Variants in CSMD1 observed in about 807,000 individuals in gnomAD.
CSMD1 encodes the protein CUB and Sushi multiple domains 1.
A neutral mutation model predicts 417.5 loss-of-function variants in CSMD1; 213 were observed. The ratio of observed to expected loss-of-function variants is 0.51; its 90% CI spans 0.46 to 0.57. CSMD1 has a LOEUF of 0.57. Among genes scored for constraint, CSMD1 ranks in the 20% least tolerant of loss-of-function variants. The probability of loss-of-function intolerance (pLI) is 0.00; values close to 1 mark genes in which losing one functional copy is unlikely to be tolerated. For missense variants in CSMD1, 6,923 were observed against 4,529.7 expected, an observed-to-expected ratio of 1.53 and a Z score of -15.17; for synonymous variants, 2,862 against 1,736.8, an observed-to-expected ratio of 1.65 and a Z score of -16.11.
At chr8:3,521,679 G>A (rs929004619) in intron 10 of CSMD1, among the ~76,000 whole-genome samples, 9 of 152,174 alleles carry the variant, frequency 5.9e-5, no homozygotes, top group African/African-American at 2.2e-4. Context: ...TGGAAGTGAT[G>A]TTAAAGGTCA....
At chr8:3,787,070 G>C (rs1055981871) in intron 5 of CSMD1, among the ~76,000 whole-genome samples, 1 of 152,148 alleles carries the variant, frequency 6.6e-6, no homozygotes, top group Non-Finnish European at 1.5e-5. Flanking sequence ...TGAGTTTAGA[G>C]TGTGTTTACA....
chr8:3,511,328 A>G (rs1797058152), intron 10 of CSMD1, among the ~76,000 whole-genome samples: 1 of 151,678 alleles, frequency 6.6e-6, no homozygotes, highest in Non-Finnish European at 1.5e-5. Context: ...GTGTATACCT[A>G]TGTAACAAAC....
At chr8:3,065,886 A>G (rs900948776) in intron 49 of CSMD1, among the ~76,000 whole-genome samples, 6 of 152,232 alleles carry the variant, frequency 3.9e-5, no homozygotes, top group African/African-American at 1.4e-4. Flanking sequence ...ATTATAAATG[A>G]AAATGAGTGA....
At chr8:4,228,229 C>A (rs779012094) in intron 3 of CSMD1, among the ~76,000 whole-genome samples, 49 of 152,314 alleles carry the variant, frequency 3.2e-4, no homozygotes, top group Non-Finnish European at 5.0e-4. Flanking sequence ...ATTCCCTTCA[C>A]TGTAAAAATA....
intron 3 of CSMD1, among the ~76,000 whole-genome samples, chr8:4,172,332 G>A (rs1011381348): frequency 6.6e-6 from 1 of 152,010 alleles, no homozygotes; most frequent in African/African-American, 2.4e-5. Flanking sequence ...TATGACTAGT[G>A]TCATTGAGAA....
At chr8:4,974,484 G>C (rs761552594) in intron 1 of CSMD1, among the ~76,000 whole-genome samples, 1 of 149,062 alleles carries the variant, frequency 6.7e-6, no homozygotes, top group African/African-American at 2.5e-5. Flanking sequence ...ACTACATGTT[G>C]ATGGAGAATG....
At chr8:3,568,331 G>C (rs1287136990) in intron 10 of CSMD1, among the ~76,000 whole-genome samples, 1 of 152,092 alleles carries the variant, frequency 6.6e-6, no homozygotes, top group African/African-American at 2.4e-5. Context: ...TCTTTTTATA[G>C]CTGAGTAATA....
intron 7 of CSMD1, among the ~76,000 whole-genome samples, chr8:3,675,216 G>A (rs190513649): frequency 3.3e-5 from 5 of 152,084 alleles, no homozygotes; most frequent in South Asian, 4.1e-4. Flanking sequence ...GACCACACCT[G>A]TTCTCCTTGC....
intron 69 of CSMD1, among the ~76,000 whole-genome samples, chr8:2,938,954 C>A (rs189218827): frequency 6.4e-4 from 98 of 152,174 alleles, no homozygotes; most frequent in African/African-American, 2.4e-3. Flanking sequence ...AAAAGTGAAT[C>A]GATTTCAAAA....
chr8:3,538,941 G>C (rs1798321594), intron 10 of CSMD1, among the ~76,000 whole-genome samples: 1 of 152,182 alleles, frequency 6.6e-6, no homozygotes, highest in African/African-American at 2.4e-5. Flanking sequence ...ACGTTTGTGA[G>C]ACCCCAATGT....
At chr8:2,942,368 G>C (rs1219243373) in intron 69 of CSMD1, 104 bp downstream of exon 69, 2 of 948,132 alleles carry the variant, frequency 2.1e-6, no homozygotes, top group Non-Finnish European at 3.0e-6. Flanking sequence ...ACATTGCATA[G>C]TAATATAAAA....
intron 51 of CSMD1, among the ~76,000 whole-genome samples, chr8:3,021,880 G>A (rs372714359): frequency 6.7e-3 from 465 of 69,120 alleles, no homozygotes; most frequent in Admixed American, 0.01. Context: ...ATCCCACAGC[G>A]TCCGGAATGC....
intron 5 of CSMD1, among the ~76,000 whole-genome samples, chr8:3,941,346 T>C (rs1193112568): frequency 1.3e-5 from 2 of 152,154 alleles, no homozygotes; most frequent in Non-Finnish European, 2.9e-5. Context: ...TTCTTCTACA[T>C]TGTATAATGA....
chr8:3,215,927 T>A (rs932216536), intron 29 of CSMD1, among the ~76,000 whole-genome samples: 4 of 151,218 alleles, frequency 2.6e-5, no homozygotes, highest in African/African-American at 9.7e-5. Context: ...CAAACAGAGA[T>A]GTCTTTGGTG....
At chr8:4,658,865 G>C (rs770360722) in intron 1 of CSMD1, among the ~76,000 whole-genome samples, 2 of 152,128 alleles carry the variant, frequency 1.3e-5, no homozygotes, top group African/African-American at 4.8e-5. Flanking sequence ...CTGGGGTTGG[G>C]AGTCTAGAGC....
At chr8:4,402,780 T>G (rs1015313540) in intron 3 of CSMD1, among the ~76,000 whole-genome samples, 1 of 150,670 alleles carries the variant, frequency 6.6e-6, no homozygotes, top group African/African-American at 2.4e-5. Context: ...ATGCTGTGAG[T>G]ATAATGTCCT....
At chr8:4,123,095 A>G (rs1802577278) in intron 3 of CSMD1, among the ~76,000 whole-genome samples, 1 of 152,222 alleles carries the variant, frequency 6.6e-6, no homozygotes, top group Non-Finnish European at 1.5e-5. Context: ...GTGAGATTGG[A>G]AAACAGAAAA....
At chr8:4,070,646 C>T (rs538985131) in intron 3 of CSMD1, among the ~76,000 whole-genome samples, 17 of 152,158 alleles carry the variant, frequency 1.1e-4, no homozygotes, top group African/African-American at 2.4e-4. Flanking sequence ...CGTGAGCCAC[C>T]GTGCCCGGCC....
chr8:3,484,112 T>C (rs1817891601), intron 11 of CSMD1, among the ~76,000 whole-genome samples: 1 of 152,208 alleles, frequency 6.6e-6, no homozygotes, highest in South Asian at 2.1e-4. Context: ...GATTGGCACC[T>C]GCCCTAGAAT....
Sources: allele counts gnomAD v4.1 joint callset (sites outside exome capture counted in the v4.1 genomes callset), GRCh38; gene constraint gnomAD v4.1.1; transcripts MANE v1.5; gene names NCBI Gene and HGNC (gene_info 2026-07-23, HGNC 2026-07-21).